Variants in ABCA3 observed in about 807,000 individuals in gnomAD.
ABCA3 encodes the protein phospholipid-transporting ATPase ABCA3.
A neutral mutation model predicts 172.8 loss-of-function variants in ABCA3; 88 were observed. The observed-to-expected ratio is 0.51, with a 90% CI of 0.43 to 0.61. ABCA3 has a LOEUF of 0.61. ABCA3 is among the 20% of genes least tolerant of loss of function. The pLI is 0.00. For missense variants in ABCA3, 2,164 were observed against 2,301.0 expected, an observed-to-expected ratio of 0.94 and a Z score of 1.22; for synonymous variants, 1,066 against 983.8, an observed-to-expected ratio of 1.08 and a Z score of -1.56.
chr16:2,304,130 C>G lies in ABCA3; in HGVS notation c.1306G>C (p.Asp436His). The G allele has an allele frequency of 6.2e-7, 1 of 1,614,170 alleles. No homozygotes were observed. The highest frequency in any genetic ancestry group is 8.5e-7 in the Non-Finnish European group (1 of 1,180,038). ...TCCACGTTGACGGGACTCAGGAGGT[C>G]TCGCCACTGGATGCCCATGCCTGGA... is the stretch of plus-strand genomic sequence containing the variant. ...EAKGMGIQWR[D>H]LLSPVNVDDD... The change falls in exon 12 of 33, where the codon GAC becomes CAC. Residue 436 changes from aspartate to histidine, a missense_variant. This residue lies in a region of ABCA3 where 1,343 missense variants were observed against 1,369.6 expected (regional missense o/e 0.98). Transcript: ENST00000301732.
At chr16:2,299,975 G>A (rs374460924) in intron 13 of ABCA3, 30 bp downstream of exon 13, 111 of 1,610,658 alleles carry the variant, frequency 6.9e-5, no homozygotes, top group Non-Finnish European at 8.2e-5. Context: ...TGGCAGCCCC[G>A]GCCCTCCCTG....
chr16:2,304,715 T>A (rs1421661652), intron 11 of ABCA3, among the ~76,000 whole-genome samples: 3 of 141,714 alleles, frequency 2.1e-5, no homozygotes, highest in African/African-American at 2.5e-5. Context: ...TTGCTCTGTC[T>A]CCCAGGCTGG....
intron 1 of ABCA3, among the ~76,000 whole-genome samples, chr16:2,333,990 C>A (rs1405942306): frequency 6.6e-6 from 1 of 152,178 alleles, no homozygotes; most frequent in East Asian, 1.9e-4. Flanking sequence ...CCACGCCTGG[C>A]CGATGATAAC....
rs2093691205 is a variant in ABCA3 at position 2,302,575 on chromosome 16, G to A, written c.1467+1394C>T. 3.3e-5 allele frequency among the ~76,000 whole-genome samples: 5 copies of A among 151,690 alleles called. No individual in the cohort carries two copies. The South Asian group carries it at 1.0e-3, about 32-fold the overall frequency. ...AACATGGCTCACTGCAGCCTCCTGG[G>A]CTCAAGTGATTCTTCTGCCTCAGCC... On this transcript the variant is annotated intron_variant, in intron 12 of 32. Transcript: ENST00000301732.
rs569230067 is a variant in ABCA3 at position 2,314,151 on chromosome 16, A to G, written c.1111+3132T>C. 1.0e-3 allele frequency among the ~76,000 whole-genome samples: 154 copies of G among 152,354 alleles called. 6 individuals are homozygous for G. The South Asian group carries it at 0.03, about 30-fold the overall frequency. On this transcript the variant is annotated intron_variant, in intron 10 of 32. Coordinates refer to ENST00000301732, the MANE Select transcript of ABCA3 (RefSeq NM_001089.3). ...CAACTTCACTTCTGGGTGTACGCCC[A>G]AAGAATGAAAAGCAGGGACCCATGT...
rs1596833131 is a variant in ABCA3, at chr16:2,285,357, A to C, written c.3483+85T>G. The C allele has an allele frequency of 6.7e-7, 1 of 1,502,484 alleles. No individual in the cohort carries two copies. Among genetic ancestry groups the C allele is most frequent in the East Asian group, 2.5e-5 (1 of 40,784 alleles). 93.1% of individuals were successfully genotyped at this position (1,502,484 alleles called of 1,614,324 possible). Reference sequence around the variant, plus strand: ...CGAGCTGCCGGCCTAGGGGCTGCCCAGCTGGTTCCGGTTCTGCACAGGGGT... The same window carrying C: ...CGAGCTGCCGGCCTAGGGGCTGCCCCGCTGGTTCCGGTTCTGCACAGGGGT... On this transcript the variant is annotated intron_variant, in intron 23 of 32. Coordinates refer to ENST00000301732, the MANE Select transcript of ABCA3 (RefSeq NM_001089.3). The surrounding 1 kb of genome is among the most constrained non-coding windows in gnomAD (Gnocchi z 4.7).
At chr16:2,308,269 C>T (rs779720855) in intron 11 of ABCA3, among the ~76,000 whole-genome samples, 181 bp downstream of exon 11, 1 of 152,166 alleles carries the variant, frequency 6.6e-6, no homozygotes, top group Non-Finnish European at 1.5e-5. Context: ...TTCCCTCGCC[C>T]GGGGCCGTGT....
chr16:2,310,568 G>A (rs1201554956), intron 10 of ABCA3, among the ~76,000 whole-genome samples: 1 of 150,082 alleles, frequency 6.7e-6, no homozygotes, highest in East Asian at 2.0e-4. Context: ...CCAGGATGGA[G>A]TGCAGTGGTG....
At chr16:2,301,049 T>G (rs796675179) in intron 12 of ABCA3, among the ~76,000 whole-genome samples, 1 of 149,644 alleles carries the variant, frequency 6.7e-6, no homozygotes, top group South Asian at 2.1e-4. Flanking sequence ...GCTAACACGG[T>G]GAAACCCCGT....
At chr16:2,324,565 C>A in intron 5 of ABCA3, 34 bp from the exon 6 acceptor site, 1 of 1,605,408 alleles carries the variant, frequency 6.2e-7, no homozygotes, top group South Asian at 1.1e-5. Flanking sequence ...TGTGGTTGCC[C>A]AATCGGCCCT....
chr16:2,277,457 G>A lies in ABCA3; in HGVS notation c.4983+140C>T, dbSNP rs954551493. The A allele has an allele frequency of 1.1e-5, 10 of 871,744 alleles. No homozygotes were observed. The highest frequency in any genetic ancestry group is 2.9e-5 in the South Asian group (2 of 68,936). The allele number at this position is 871,744 out of a possible 1,614,324, so 54.0% of individuals were successfully genotyped here. ...GGATATAAAACCCCCAAACCAGCACGTATCAGGCTGAGTGTTAGGGGAGAA... is the reference window on the plus strand; with the variant it reads ...GGATATAAAACCCCCAAACCAGCACATATCAGGCTGAGTGTTAGGGGAGAA... On this transcript the variant is annotated intron_variant, in intron 32 of 32. Transcript: ENST00000301732. The surrounding 1 kb of genome is among the most constrained non-coding windows in gnomAD (Gnocchi z 5.3).
At chr16:2,318,918 C>T (rs2093721025) in intron 8 of ABCA3, among the ~76,000 whole-genome samples, 1 of 152,046 alleles carries the variant, frequency 6.6e-6, no homozygotes, top group Non-Finnish European at 1.5e-5. Flanking sequence ...TCACGTTTTG[C>T]CCTATTTGTT....
intron 11 of ABCA3, among the ~76,000 whole-genome samples, chr16:2,307,064 C>A (rs573742448): frequency 6.7e-6 from 1 of 149,518 alleles, no homozygotes; most frequent in African/African-American, 2.5e-5. Flanking sequence ...AAAAGTGAGT[C>A]GTGATGATGC....
chr16:2,303,972 G>C lies in ABCA3; in HGVS notation c.1464C>G (p.Ile488Met), dbSNP rs1475143131. The stretch of plus-strand genomic sequence containing the variant: ...AGAGCAGGGCATCAGAACTCACCAT[G>C]ATGAAGAAGTACCAGGGCTGAGGCA... The part of the protein sequence containing the change: ...FGVPQPWYFF[I>M]MPSYWCGKPR... Residue 488 changes from isoleucine to methionine, a missense_variant, in exon 12 of 33, where the codon ATC becomes ATG. By Grantham distance (10) the Ile-to-Met change is conservative. Around this residue, in one of 3 missense-constraint regions of ABCA3, gnomAD observed 1,343 missense variants for 1,369.6 expected, o/e 0.98. Coordinates refer to ENST00000301732, the MANE Select transcript of ABCA3 (RefSeq NM_001089.3). The C allele has an allele frequency of 1.2e-6, 2 of 1,614,134 alleles. No individual in the cohort carries two copies. Among genetic ancestry groups the C allele is most frequent in the South Asian group, 2.2e-5 (2 of 91,080 alleles).
Position 2,285,732 on chromosome 16 carries a change from G to A in ABCA3, c.3279-86C>T. The A allele has an allele frequency of 1.5e-6, 2 of 1,338,956 alleles. No individual in the cohort carries two copies. Among genetic ancestry groups the A allele is most frequent in the Admixed American group, 3.9e-5 (2 of 50,740 alleles). 82.9% of individuals were successfully genotyped at this position (1,338,956 alleles called of 1,614,324 possible). A position where few individuals can be genotyped will look rare whatever the true frequency, so the allele number is the denominator to read the frequency against. ...GGGTTCTCGGTTATGACCGCCCAAG[G>A]CATGCAGGGCAGCAGCCCAACCACT... On this transcript the variant is annotated intron_variant, in intron 22 of 32. Transcript: ENST00000301732. The surrounding 1 kb of genome is among the most constrained non-coding windows in gnomAD (Gnocchi z 4.7).
intron 12 of ABCA3, 51 bp from the exon 13 acceptor site, chr16:2,300,199 G>A: frequency 1.2e-6 from 2 of 1,610,276 alleles, no homozygotes; most frequent in South Asian, 1.1e-5. Flanking sequence ...GACGAGCAAA[G>A]CAACAACCAG....
intron 20 of ABCA3, 30 bp downstream of exon 20, chr16:2,289,404 C>T (rs376998814): frequency 4.2e-5 from 65 of 1,555,264 alleles, no homozygotes; most frequent in East Asian, 2.1e-4. Context: ...GCCCTTCCCC[C>T]GCCACCCGCC....
intron 13 of ABCA3, 74 bp from the exon 14 acceptor site, chr16:2,299,606 C>T (rs1489936764): frequency 6.2e-6 from 10 of 1,601,288 alleles, no homozygotes; most frequent in African/African-American, 5.3e-5. Flanking sequence ...TCCTGCTCCC[C>T]TGCCCGACCG....
At chr16:2,330,495 T>G (rs894273354) in intron 1 of ABCA3, among the ~76,000 whole-genome samples, 1 of 150,132 alleles carries the variant, frequency 6.7e-6, no homozygotes, top group Non-Finnish European at 1.5e-5. Context: ...AACTTTTGTA[T>G]TTTTAGTAGA....
Sources: gnomAD v4.1 joint callset for allele counts (sites outside exome capture counted in the v4.1 genomes callset) on GRCh38, gnomAD v4.1.1 for gene constraint, gnomAD v4.1.1 regional missense constraint, Gnocchi (gnomAD v3.1) non-coding constraint, MANE v1.5 for transcripts, NCBI Gene and HGNC (gene_info 2026-07-23, HGNC 2026-07-21) for gene names.